Variants in RAPH1 observed in about 807,000 individuals in gnomAD.
RAPH1 encodes ras-associated and pleckstrin homology domains-containing protein 1.
RAPH1 carries 18 observed loss-of-function variants against 88.1 expected under a neutral mutation model. That is an observed-to-expected ratio of 0.20 (90% CI 0.14 to 0.30). The LOEUF (loss-of-function observed/expected upper bound fraction) is 0.30, where lower values mean the gene tolerates loss of function less well. Among genes scored for constraint, RAPH1 ranks in the 10% least tolerant of loss-of-function variants. The pLI is 1.00. For synonymous variants in RAPH1, 587 were observed against 559.0 expected, an observed-to-expected ratio of 1.05 and a Z score of -0.71; for missense variants, 1,448 against 1,543.2, an observed-to-expected ratio of 0.94 and a Z score of 1.03.
Position 203,489,770 on chromosome 2 carries a change from T to G in RAPH1, c.546A>C (p.Leu182Phe). The G allele has an allele frequency of 6.2e-7, 1 of 1,614,212 alleles. No homozygotes were observed. The highest frequency in any genetic ancestry group is 8.5e-7 in the Non-Finnish European group (1 of 1,180,032). ...QQSVLEDTKP[L>F]VTNQHRRTAS... ...CGGTTCTTCTGTGCTGATTAGTTAC[T>G]AAGGGTTTAGTATCTTCTAGTACAG... Residue 182 changes from leucine to phenylalanine, a missense_variant, in exon 4 of 14, where the codon TTA becomes TTC. By Grantham distance (22) the Leu-to-Phe change is conservative. Around this residue, in one of 2 missense-constraint regions of RAPH1, gnomAD observed 513 missense variants for 653.1 expected, o/e 0.79. Coordinates refer to ENST00000319170, the MANE Select transcript of RAPH1 (RefSeq NM_213589.3).
intron 2 of RAPH1, among the ~76,000 whole-genome samples, chr2:203,491,850 G>A (rs1258530293): frequency 6.6e-6 from 1 of 152,184 alleles, no homozygotes; most frequent in Non-Finnish European, 1.5e-5. Flanking sequence ...ATAGTTCAGA[G>A]TAAATATCTT....
intron 6 of RAPH1, 49 bp from the exon 7 acceptor site, chr2:203,460,077 C>T (rs376135958): frequency 2.0e-6 from 3 of 1,496,264 alleles, no homozygotes; most frequent in Non-Finnish European, 2.7e-6. Flanking sequence ...ATTAGAGTTG[C>T]ATGAAAGACA....
At chr2:203,516,585 C>T (rs1203095649) in intron 1 of RAPH1, among the ~76,000 whole-genome samples, 1 of 152,062 alleles carries the variant, frequency 6.6e-6, no homozygotes, top group Non-Finnish European at 1.5e-5. Flanking sequence ...CCCGTCTCTA[C>T]TGAAAATACA....
rs1348433875 is a variant in RAPH1 at position 203,488,601 on chromosome 2, A to C, written c.732+983T>G. ...GACTCCGTCTATTAAAAAAAAAAAA[A>C]AAAAAAAAAAAAAAAAACCTGTTTA... On this transcript the variant is annotated intron_variant, in intron 4 of 13. Coordinates refer to ENST00000319170, the MANE Select transcript of RAPH1 (RefSeq NM_213589.3). 4.0e-5 allele frequency among the ~76,000 whole-genome samples: 6 copies of C among 149,092 alleles called. 1 individual carries two copies. The highest frequency in any genetic ancestry group is 1.3e-4 in the Admixed American group (2 of 14,948).
chr2:203,509,112 T>A, intron 1 of RAPH1, among the ~76,000 whole-genome samples: 1 of 139,748 alleles, frequency 7.2e-6, no homozygotes, highest in East Asian at 2.3e-4. Flanking sequence ...GCTCTGTCAC[T>A]CAGGCTGGAG....
At position 203,461,409 on chromosome 2, in the gene RAPH1, C is replaced by A; in HGVS notation, c.811-1G>T. 6.3e-7 allele frequency: 1 copy of A among 1,588,696 alleles called. No homozygotes were observed. Among genetic ancestry groups the A allele is most frequent in the Non-Finnish European group, 8.6e-7 (1 of 1,168,436 alleles). On this transcript the variant is annotated splice_acceptor_variant, in intron 5 of 13. Coordinates refer to ENST00000319170, the MANE Select transcript of RAPH1 (RefSeq NM_213589.3). LOFTEE classifies it high-confidence loss of function. The stretch of plus-strand genomic sequence containing the variant: ...CAGACATGTGGACTCTGATCACCAG[C>A]TATAACAGGTAAAAAGAAAAGTAAA...
Position 203,434,056 on chromosome 2 carries a change from C to CTATCTATATATATATATATATATA in RAPH1, c.*5380_*5381insTATATATATATATATATATAGATA, listed in dbSNP as rs1488308709. The CTATCTATATATATATATATATATA allele has an allele frequency of 6.9e-6, 1 of 145,642 alleles. No individual in the cohort carries two copies. The highest frequency in any genetic ancestry group is 2.5e-5 in the African/African-American group (1 of 39,218). The allele number at this position is 145,642 out of a possible 1,614,324, so 9.0% of individuals were successfully genotyped here. On this transcript the variant is annotated 3_prime_UTR_variant, in exon 14 of 14. Transcript: ENST00000319170. Reference sequence around the variant, plus strand: ...CTCTCTCATATATCTATCTATCTATCTATATATATATATATATATATATAG... The same window carrying CTATCTATATATATATATATATATA: ...CTCTCTCATATATCTATCTATCTATCTATCTATATATATATATATATATATATATATATATATATATATATATAG...
chr2:203,442,702 T>C (rs1301706693), intron 13 of RAPH1: 1 of 152,154 alleles, frequency 6.6e-6, no homozygotes, highest in Non-Finnish European at 1.5e-5. Flanking sequence ...AAATACAGAG[T>C]GATCAAGCCT....
At chr2:203,494,236 C>T in intron 2 of RAPH1, among the ~76,000 whole-genome samples, 1 of 152,062 alleles carries the variant, frequency 6.6e-6, no homozygotes, top group Non-Finnish European at 1.5e-5. Flanking sequence ...TTTCCAAAGA[C>T]ATTATTTATG....
intron 1 of RAPH1, among the ~76,000 whole-genome samples, chr2:203,500,914 A>C (rs1027619457): frequency 1.3e-5 from 2 of 152,208 alleles, no homozygotes; most frequent in African/African-American, 4.8e-5. Context: ...TTACAGATAA[A>C]TTTTAGTTCT....
chr2:203,526,897 C>T (rs937969319), intron 1 of RAPH1, among the ~76,000 whole-genome samples: 1 of 151,660 alleles, frequency 6.6e-6, no homozygotes, highest in African/African-American at 2.4e-5. Context: ...AATTCTCCTG[C>T]CTCAGCCTCC....
At chr2:203,518,195 T>C (rs1445839423) in intron 1 of RAPH1, among the ~76,000 whole-genome samples, 1 of 151,944 alleles carries the variant, frequency 6.6e-6, no homozygotes, top group East Asian at 1.9e-4. Context: ...CCACTACAGA[T>C]CTTACAGACA....
chr2:203,524,183 T>G (rs1048036530), intron 1 of RAPH1, among the ~76,000 whole-genome samples: 1 of 152,120 alleles, frequency 6.6e-6, no homozygotes, highest in Non-Finnish European at 1.5e-5. Flanking sequence ...CTAAGAACAT[T>G]ACATTGCTCA....
intron 1 of RAPH1, among the ~76,000 whole-genome samples, chr2:203,497,867 G>C (rs1359985540): frequency 6.6e-6 from 1 of 151,974 alleles, no homozygotes; most frequent in Admixed American, 6.6e-5. Context: ...CAGAAACTTG[G>C]TATCAGAGTT....
intron 1 of RAPH1, chr2:203,533,417 T>C (rs1197404689): frequency 1.3e-5 from 2 of 151,986 alleles, no homozygotes; most frequent in African/African-American, 4.8e-5. Context: ...AAAAGCAAAA[T>C]AACGGAGACA....
At chr2:203,462,781 A>G (rs1483808146) in intron 4 of RAPH1, among the ~76,000 whole-genome samples, 1 of 152,228 alleles carries the variant, frequency 6.6e-6, no homozygotes, top group African/African-American at 2.4e-5. Context: ...ATTTCCAGCA[A>G]TAGGCCATAA....
intron 4 of RAPH1, chr2:203,477,092 T>G: frequency 6.2e-7 from 1 of 1,613,602 alleles, no homozygotes; most frequent in Non-Finnish European, 8.5e-7. Flanking sequence ...CAGCTCAGCC[T>G]GTTCTTCTGT....
chr2:203,527,827 T>C (rs537727791), intron 1 of RAPH1, among the ~76,000 whole-genome samples: 1 of 137,276 alleles, frequency 7.3e-6, no homozygotes, highest in East Asian at 2.1e-4. Flanking sequence ...AAAAAAAGTA[T>C]AGAAAACTGT....
chr2:203,455,329 A>G, intron 9 of RAPH1, 108 bp downstream of exon 9: 1 of 1,040,728 alleles, frequency 9.6e-7, no homozygotes. Context: ...TATGTCTTCC[A>G]CGAACTGAAA....
Sources: gnomAD v4.1 joint callset for allele counts (sites outside exome capture counted in the v4.1 genomes callset) on GRCh38, gnomAD v4.1.1 for gene constraint, gnomAD v4.1.1 regional missense constraint, MANE v1.5 for transcripts, NCBI Gene and HGNC (gene_info 2026-07-23, HGNC 2026-07-21) for gene names.